The following MYRIP variants were observed in gnomAD, a reference collection of about 807,000 sequenced individuals.
MYRIP encodes myosin VIIA and Rab interacting protein.
A neutral mutation model predicts 98.0 loss-of-function variants in MYRIP; 49 were observed. That is an observed-to-expected ratio of 0.50 (90% confidence interval 0.40 to 0.63). The LOEUF is 0.63. Ranked by LOEUF, MYRIP falls within the 30% of genes least tolerant of loss-of-function variation. The probability of loss-of-function intolerance (pLI) is 0.00; values close to 1 mark genes in which losing one functional copy is unlikely to be tolerated. For missense variants in MYRIP, 1,004 were observed against 1,058.2 expected (o/e 0.95, Z 0.71); for synonymous variants, 404 against 409.5 (o/e 0.99, Z 0.16).
intron 2 of MYRIP, among the ~76,000 whole-genome samples, chr3:40,039,307 G>A (rs1386825973): frequency 2.0e-5 from 3 of 152,068 alleles, no homozygotes; most frequent in Admixed American, 2.0e-4. Flanking sequence ...CTTCATCAGT[G>A]AATAAATACT....
chr3:39,962,941 T>C (rs1232492991), intron 2 of MYRIP, among the ~76,000 whole-genome samples: 2 of 152,124 alleles, frequency 1.3e-5, no homozygotes, highest in African/African-American at 4.8e-5. Context: ...GTTTTATATT[T>C]TCAAGTTCTC....
intron 3 of MYRIP, among the ~76,000 whole-genome samples, chr3:40,101,986 G>A (rs1221346919): frequency 6.6e-6 from 1 of 152,164 alleles, no homozygotes; most frequent in East Asian, 1.9e-4. Flanking sequence ...TTTATTGGGA[G>A]AACTGTCAGT....
intron 2 of MYRIP, among the ~76,000 whole-genome samples, chr3:39,921,357 G>A (rs946814169): frequency 2.0e-5 from 3 of 152,150 alleles, no homozygotes; most frequent in Non-Finnish European, 4.4e-5. Flanking sequence ...TCCAGTGTAC[G>A]TAGTAGACAG....
intron 3 of MYRIP, among the ~76,000 whole-genome samples, chr3:40,120,251 T>C (rs1218302669): frequency 2.0e-5 from 3 of 152,232 alleles, no homozygotes; most frequent in Non-Finnish European, 2.9e-5. Flanking sequence ...TGTGTGTCTG[T>C]TATAACTAAA....
intron 8 of MYRIP, among the ~76,000 whole-genome samples, chr3:40,178,315 C>T (rs1950812796): frequency 6.6e-6 from 1 of 152,184 alleles, no homozygotes; most frequent in Non-Finnish European, 1.5e-5. Flanking sequence ...AATGCTGTAA[C>T]AAAAGTAACT....
rs549009776 is a variant in MYRIP at position 39,867,296 on chromosome 3, C to A, written c.-30-33491C>A. On this transcript the variant is annotated intron_variant, in intron 1 of 16. Transcript: ENST00000302541. Reference sequence around the variant, plus strand: ...ATGATTTTTTTCACAAAAGCACAAGCAACAAAAAAATAAACATGTTGTACT... The same window carrying A: ...ATGATTTTTTTCACAAAAGCACAAGAAACAAAAAAATAAACATGTTGTACT... Among the ~76,000 whole-genome samples, 16 of 151,974 alleles carry A rather than the reference C, an allele frequency of 1.1e-4. No homozygotes were observed. In the South Asian group the frequency reaches 3.3e-3, roughly 32 times the overall value.
intron 1 of MYRIP, among the ~76,000 whole-genome samples, chr3:39,847,670 G>T (rs943081883): frequency 3.3e-5 from 5 of 152,156 alleles, no homozygotes; most frequent in Admixed American, 2.0e-4. Flanking sequence ...CCTCTTGGCT[G>T]CCTGGCCTCC....
At chr3:39,985,072 T>TTG (rs71091784) in intron 2 of MYRIP, among the ~76,000 whole-genome samples, 71,544 of 149,020 alleles carry the variant, frequency 0.48, 18,325 homozygotes, top group African/African-American at 0.69. Flanking sequence ...TTTGATGGGG[T>TTG]TTTGTTTTTT....
chr3:40,153,456 C>T lies in MYRIP; in HGVS notation c.469+2272C>T, dbSNP rs552906472. Among the ~76,000 whole-genome samples the T allele has an allele frequency of 2.0e-5, 3 of 152,306 alleles. No individual in the cohort carries two copies. The South Asian group carries it at 6.2e-4, about 32-fold the overall frequency. On this transcript the variant is annotated intron_variant, in intron 4 of 16. Coordinates refer to ENST00000302541, the MANE Select transcript of MYRIP (RefSeq NM_015460.4). ...TACCCTTTGTAGGTTTGTCATCTGC[C>T]ATCCTCAATTCATGACTACACATTA...
intron 2 of MYRIP, among the ~76,000 whole-genome samples, chr3:39,948,555 G>A (rs935784500): frequency 1.3e-5 from 2 of 152,050 alleles, no homozygotes; most frequent in Non-Finnish European, 1.5e-5. Context: ...ATATTACATA[G>A]CAGATTAAAC....
At chr3:40,161,486 G>C (rs574835618) in intron 4 of MYRIP, among the ~76,000 whole-genome samples, 1 of 152,074 alleles carries the variant, frequency 6.6e-6, no homozygotes, top group South Asian at 2.1e-4. Context: ...GACTTGCCCT[G>C]GTGTGCAGCT....
intron 2 of MYRIP, among the ~76,000 whole-genome samples, chr3:39,910,397 T>C (rs900233103): frequency 1.3e-5 from 2 of 152,162 alleles, no homozygotes; most frequent in South Asian, 2.1e-4. Context: ...ATTAGGACCA[T>C]CTTGGAAAAT....
At chr3:39,885,299 G>A (rs1271114410) in intron 1 of MYRIP, among the ~76,000 whole-genome samples, 1 of 151,890 alleles carries the variant, frequency 6.6e-6, no homozygotes, top group Non-Finnish European at 1.5e-5. Flanking sequence ...TCTTTGATGT[G>A]AAAAGACAAT....
chr3:39,859,589 A>C (rs1034695583), intron 1 of MYRIP, among the ~76,000 whole-genome samples: 1 of 152,190 alleles, frequency 6.6e-6, no homozygotes, highest in Non-Finnish European at 1.5e-5. Flanking sequence ...CAGAAGAATA[A>C]CTCTGATGAA....
chr3:40,219,309 ATT>A (rs1316384640), intron 11 of MYRIP, among the ~76,000 whole-genome samples: 1 of 152,146 alleles, frequency 6.6e-6, no homozygotes, highest in Admixed American at 6.6e-5. Context: ...TTGCATAAAT[ATT>A]TTGTTTGTTT....
chr3:40,019,622 A>G (rs920349181), intron 2 of MYRIP, among the ~76,000 whole-genome samples: 53 of 152,326 alleles, frequency 3.5e-4, no homozygotes, highest in Non-Finnish European at 4.6e-4. Context: ...CACCTGGCAG[A>G]GAGCCAGGCA....
At chr3:40,039,301 A>C (rs1369157858) in intron 2 of MYRIP, among the ~76,000 whole-genome samples, 1 of 152,180 alleles carries the variant, frequency 6.6e-6, no homozygotes, top group Non-Finnish European at 1.5e-5. Flanking sequence ...AACAATCTTC[A>C]TCAGTGAATA....
At chr3:39,886,136 G>C (rs1371007851) in intron 1 of MYRIP, among the ~76,000 whole-genome samples, 1 of 151,594 alleles carries the variant, frequency 6.6e-6, no homozygotes, top group Non-Finnish European at 1.5e-5. Context: ...ACAAGCAAAT[G>C]CTGAGAGATT....
intron 1 of MYRIP, among the ~76,000 whole-genome samples, chr3:39,831,767 A>C (rs1941454905): frequency 6.6e-6 from 1 of 152,242 alleles, no homozygotes; most frequent in African/African-American, 2.4e-5. Flanking sequence ...AATTAAAATT[A>C]AATTCAATTA....
Sources: gnomAD v4.1 joint callset for allele counts (sites outside exome capture counted in the v4.1 genomes callset) on GRCh38, gnomAD v4.1.1 for gene constraint, MANE v1.5 for transcripts, NCBI Gene and HGNC (gene_info 2026-07-23, HGNC 2026-07-21) for gene names.